CHD6: variants seen among roughly 807,000 people sequenced by gnomAD.
CHD6 encodes chromodomain helicase DNA binding protein 6.
A neutral mutation model predicts 276.9 loss-of-function variants in CHD6; 50 were observed. The ratio of observed to expected loss-of-function variants is 0.18; its 90% CI spans 0.14 to 0.23. The LOEUF is 0.23. Ranked by LOEUF, CHD6 falls within the 10% of genes least tolerant of loss-of-function variation. The pLI is 1.00. For synonymous variants in CHD6, 1,173 were observed against 1,229.3 expected, an observed-to-expected ratio of 0.95 and a Z score of 0.96; for missense variants, 2,564 against 3,365.8, an observed-to-expected ratio of 0.76 and a Z score of 5.89.
rs1373609991 is a variant in CHD6 at position 41,417,323 on chromosome 20, C to T, written c.6154G>A (p.Glu2052Lys). The change falls in exon 32 of 37, where the codon GAG becomes AAG. Residue 2052 changes from glutamate to lysine, a missense_variant. Physicochemically the swap from Glu to Lys is moderately conservative, Grantham distance 56. Around this residue, in one of 7 missense-constraint regions of CHD6, gnomAD observed 1,024 missense variants for 1,047.9 expected, o/e 0.98. Coordinates refer to ENST00000373233, the MANE Select transcript of CHD6 (RefSeq NM_032221.5). ...QDYPGKYSEEESKSSTSGITG... is the reference protein window; with the variant it reads ...QDYPGKYSEEKSKSSTSGITG... ...ATGCCCGATGTTGAGCTCTTGCTCT[C>T]CTCTTCAGAGTACTTCCCTGGATAA... 4.3e-6 allele frequency: 7 copies of T among 1,613,988 alleles called. No homozygotes were observed. The South Asian group carries it at 5.5e-5, about 13-fold the overall frequency.
chr20:41,496,268 A>G (rs1334739469), intron 8 of CHD6, among the ~76,000 whole-genome samples: 2 of 152,238 alleles, frequency 1.3e-5, no homozygotes, highest in East Asian at 1.9e-4. Flanking sequence ...TCAGAACCAG[A>G]AAGATTCCAA....
chr20:41,475,529 A>C (rs2043149308), intron 16 of CHD6, among the ~76,000 whole-genome samples: 1 of 152,224 alleles, frequency 6.6e-6, no homozygotes, highest in South Asian at 2.1e-4. Context: ...ACTAGGTATC[A>C]AAACATTTTT....
chr20:41,512,167 G>C (rs2044134594), intron 5 of CHD6, among the ~76,000 whole-genome samples: 1 of 151,286 alleles, frequency 6.6e-6, no homozygotes, highest in Non-Finnish European at 1.5e-5. Flanking sequence ...GTTTTGCCAT[G>C]TTGCCCATGT....
At chr20:41,511,518 TA>T (rs1396423338) in intron 5 of CHD6, among the ~76,000 whole-genome samples, 1 of 152,198 alleles carries the variant, frequency 6.6e-6, no homozygotes, top group East Asian at 1.9e-4. Context: ...TGGAAACTGC[TA>T]AAATGCAAAT....
Position 41,416,790 on chromosome 20 carries a change from C to A in CHD6, c.6284G>T (p.Arg2095Leu). ...LYSFSEWPKDRVIINRLDNIC... is the reference protein window; with the variant it reads ...LYSFSEWPKDLVIINRLDNIC... Reference sequence around the variant, plus strand: ...ATTATCTAGGCGGTTAATTATCACGCGGTCCTAGAAAAAAGGATAAAGCTC... The same window carrying A: ...ATTATCTAGGCGGTTAATTATCACGAGGTCCTAGAAAAAAGGATAAAGCTC... The change falls in exon 33 of 37, where the codon CGC (arginine) becomes CTC (leucine). Residue 2095 changes from arginine (R) to leucine (L), a missense_variant. Arg to Leu is a moderately radical substitution (Grantham distance 102). This residue lies in a region of CHD6 where 1,024 missense variants were observed against 1,047.9 expected (regional missense o/e 0.98). Transcript: ENST00000373233. The A allele has an allele frequency of 6.4e-7, 1 of 1,558,060 alleles. No homozygotes were observed.
chr20:41,470,172 C>G (rs1270559106), intron 17 of CHD6, among the ~76,000 whole-genome samples: 3 of 152,058 alleles, frequency 2.0e-5, no homozygotes, highest in African/African-American at 7.2e-5. Flanking sequence ...CCTCATCACA[C>G]CAAGCAAGCA....
At chr20:41,603,985 T>TGCATGTGTGC (rs2045800143) in intron 1 of CHD6, among the ~76,000 whole-genome samples, 1 of 136,938 alleles carries the variant, frequency 7.3e-6, no homozygotes, top group African/African-American at 2.8e-5. Context: ...TATTCCTGTG[T>TGCATGTGTGC]GCATGTGTGC....
chr20:41,542,875 C>A (rs181583797), intron 2 of CHD6, among the ~76,000 whole-genome samples: 3 of 151,778 alleles, frequency 2.0e-5, no homozygotes, highest in Non-Finnish European at 4.4e-5. Context: ...GAGGCTGAGG[C>A]GGGTGGATCA....
In CHD6 at chr20:41,426,149, C is replaced by T. The variant is rs766846209; in HGVS notation, c.4073G>A (p.Ser1358Asn). 9.3e-6 allele frequency: 15 copies of T among 1,612,096 alleles called. No individual in the cohort carries two copies. In the South Asian group the frequency reaches 1.6e-4, roughly 18 times the overall value. The change falls in exon 28 of 37, where the codon AGT (serine) becomes AAT (asparagine). Residue 1358 changes from serine to asparagine, a missense_variant. Coordinates refer to ENST00000373233, the MANE Select transcript of CHD6 (RefSeq NM_032221.5). ...AACGCCATCACCTCCATCACTGGAA[C>T]TCTCCTAGGGATAAATAAAGCCATC... ...KVDGLQKQTE[S>N]SSDGGDGVFS...
chr20:41,551,951 C>T (rs1170225829), intron 1 of CHD6, among the ~76,000 whole-genome samples: 1 of 152,118 alleles, frequency 6.6e-6, no homozygotes, highest in Non-Finnish European at 1.5e-5. Flanking sequence ...CTATCCAGGA[C>T]ATAAGCCCCC....
intron 26 of CHD6, among the ~76,000 whole-genome samples, chr20:41,438,861 T>C (rs1489909451): frequency 6.6e-6 from 1 of 152,124 alleles, no homozygotes; most frequent in Non-Finnish European, 1.5e-5. Flanking sequence ...TTATCTGTCC[T>C]CAAGAAAAAT....
chr20:41,602,410 T>C (rs996385272), intron 1 of CHD6, among the ~76,000 whole-genome samples: 1 of 152,188 alleles, frequency 6.6e-6, no homozygotes, highest in Non-Finnish European at 1.5e-5. Flanking sequence ...AGAGCAGTTT[T>C]ACCTGTGGGC....
intron 25 of CHD6, 125 bp downstream of exon 25, chr20:41,445,540 T>C: frequency 1.6e-6 from 1 of 624,204 alleles, no homozygotes; most frequent in Admixed American, 2.7e-5. Context: ...CTCTACTTTT[T>C]AAGATGAATG....
At position 41,403,175 on chromosome 20, in the gene CHD6, T is replaced by C; in HGVS notation, c.*1418A>G. On this transcript the variant is annotated 3_prime_UTR_variant, in exon 37 of 37. Coordinates refer to ENST00000373233, the MANE Select transcript of CHD6 (RefSeq NM_032221.5). ...ATTAGCAAAACTGTAACAGAAAAAG[T>C]AAAAAATACAGTAAATTGTGACAAC... 1.2e-6 allele frequency: 1 copy of C among 807,168 alleles called. No homozygotes were observed. Among genetic ancestry groups the C allele is most frequent in the Non-Finnish European group, 1.5e-6 (1 of 645,492 alleles). The allele number at this position is 807,168 out of a possible 1,614,324, so 50.0% of individuals were successfully genotyped here.
At position 41,532,999 on chromosome 20, in the gene CHD6, C is replaced by T. The variant is rs73123245; in HGVS notation, c.554+51G>A. On this transcript the variant is annotated intron_variant, in intron 3 of 36. Transcript: ENST00000373233. ...GCTTGGGCTAATGCCAAAGGCAAATCGTTCTGCACTGGCATAGGCAAGTGC... is the reference window on the plus strand; with the variant it reads ...GCTTGGGCTAATGCCAAAGGCAAATTGTTCTGCACTGGCATAGGCAAGTGC... 1.1e-5 allele frequency: 17 copies of T among 1,526,550 alleles called. No homozygotes were observed. The African/African-American group carries it at 2.1e-4, about 19-fold the overall frequency. The allele number at this position is 1,526,550 out of a possible 1,614,324, so 94.6% of individuals were successfully genotyped here.
At chr20:41,538,846 T>C (rs1402370601) in intron 2 of CHD6, among the ~76,000 whole-genome samples, 7 of 152,338 alleles carry the variant, frequency 4.6e-5, no homozygotes, top group Admixed American at 1.3e-4. Context: ...TTGTTCAAGC[T>C]TGATACAGTT....
At chr20:41,502,718 A>AT (rs1445972565) in intron 5 of CHD6, among the ~76,000 whole-genome samples, 1 of 152,224 alleles carries the variant, frequency 6.6e-6, no homozygotes, top group East Asian at 1.9e-4. Flanking sequence ...TTAAATAACC[A>AT]TATGTGGCTG....
rs1209950413 is a variant in CHD6, at chr20:41,415,414, G to A, written c.6711C>T (p.Ala2237=). ...PGATSPFPVS[A]STPKIGAISS... is the part of the protein sequence containing the mutation. ...TGATAGCCCCAATCTTAGGGGTGCT[G>A]GCGCTCACTGGGAAAGGGGATGTGG... The change falls in exon 34 of 37, where the codon GCC becomes GCT. Residue 2237 remains alanine (A), a synonymous_variant. Transcript: ENST00000373233. The A allele has an allele frequency of 1.2e-6, 2 of 1,612,732 alleles. No individual in the cohort carries two copies. The highest frequency in any genetic ancestry group is 3.3e-5 in the Admixed American group (2 of 59,758).
chr20:41,447,685 T>G (rs1269764475), intron 24 of CHD6, among the ~76,000 whole-genome samples, 197 bp downstream of exon 24: 1 of 152,200 alleles, frequency 6.6e-6, no homozygotes. Context: ...AATGGTTTTC[T>G]CCTTTATTTT....
Sources: gnomAD v4.1 joint callset for allele counts (sites outside exome capture counted in the v4.1 genomes callset) on GRCh38, gnomAD v4.1.1 for gene constraint, gnomAD v4.1.1 regional missense constraint, MANE v1.5 for transcripts, NCBI Gene and HGNC (gene_info 2026-07-23, HGNC 2026-07-21) for gene names.